MX2: variants seen among roughly 807,000 people sequenced by gnomAD.
The protein encoded by MX2 is MX dynamin like GTPase 2.
Under a neutral mutation model 74.0 loss-of-function variants are expected in MX2, and 51 were observed. The observed-to-expected ratio is 0.69, with a 90% CI of 0.55 to 0.87. MX2 has a LOEUF of 0.87. Among genes scored for constraint, MX2 ranks in the 40% least tolerant of loss-of-function variants. The pLI is 0.00. For synonymous variants in MX2, 369 were observed against 339.3 expected, an observed-to-expected ratio of 1.09 and a Z score of -0.96; for missense variants, 832 against 908.7, an observed-to-expected ratio of 0.92 and a Z score of 1.09.
rs973333922 is a variant in MX2 at position 41,409,294 on chromosome 21, T to C, written c.*1061T>C. 1.3e-5 allele frequency: 2 copies of C among 152,074 alleles called. No homozygotes were observed. The highest frequency in any genetic ancestry group is 3.9e-4 in the East Asian group (2 of 5,178). 9.4% of individuals were successfully genotyped at this position (152,074 alleles called of 1,614,324 possible). A position where few individuals can be genotyped will look rare whatever the true frequency, so the allele number is the denominator to read the frequency against. On this transcript the variant is annotated 3_prime_UTR_variant, in exon 14 of 14. Coordinates refer to ENST00000330714, the MANE Select transcript of MX2 (RefSeq NM_002463.2). ...AGAGAGAGAGAGAACTTCACACCAG[T>C]GATCATCATTATGGGTAATTTTCTT...
intron 7 of MX2, 53 bp downstream of exon 7, chr21:41,395,838 C>G (rs2089727432): frequency 6.3e-7 from 1 of 1,583,948 alleles, no homozygotes; most frequent in African/African-American, 1.3e-5. Context: ...GCCAGCCCAT[C>G]TGCAAGAGTT....
rs2089925210 is a variant in MX2, at chr21:41,409,386, A to G, written c.*1153A>G. 6.6e-6 allele frequency: 1 copy of G among 152,258 alleles called. No homozygotes were observed. The highest frequency in any genetic ancestry group is 1.5e-5 in the Non-Finnish European group (1 of 68,046). The allele number at this position is 152,258 out of a possible 1,614,324, so 9.4% of individuals were successfully genotyped here. ...ATAGATTCCTTAATAAAAAGGCAAT[A>G]GAATAAATATCATTGCTGATTTGTT... On this transcript the variant is annotated 3_prime_UTR_variant, in exon 14 of 14. Coordinates refer to ENST00000330714, the MANE Select transcript of MX2 (RefSeq NM_002463.2).
chr21:41,382,292 C>T (rs940907295), intron 4 of MX2, 118 bp from the exon 5 acceptor site: 6 of 1,292,102 alleles, frequency 4.6e-6, no homozygotes, highest in African/African-American at 4.5e-5. Flanking sequence ...TTTCTAAACA[C>T]CAGGGACCTA....
In MX2 at chr21:41,402,344, ACTC is replaced by A. The variant is rs2089825672; in HGVS notation, c.1573+217_1573+219del. 3 of 520,112 alleles carry A rather than the reference ACTC, an allele frequency of 5.8e-6. No homozygotes were observed. The Admixed American group carries it at 1.1e-4, about 19-fold the overall frequency. The allele number at this position is 520,112 out of a possible 1,614,324, so 32.2% of individuals were successfully genotyped here. ...ACCGATTCTGCCCTTCTGCCTGAGA[ACTC>A]GTACTGAGGTTTCCAGGAGATGGGG... On this transcript the variant is annotated intron_variant, in intron 11 of 13. Coordinates refer to ENST00000330714, the MANE Select transcript of MX2 (RefSeq NM_002463.2). This position sits in a 1 kb window ranked among gnomAD's most constrained non-coding sequence, Gnocchi z 4.5.
intron 12 of MX2, 110 bp from the exon 13 acceptor site, chr21:41,406,634 C>A: frequency 8.9e-7 from 1 of 1,128,188 alleles, no homozygotes; most frequent in Non-Finnish European, 1.2e-6. Flanking sequence ...ACTTCTTTGA[C>A]TATGGATTCG....
intron 5 of MX2, among the ~76,000 whole-genome samples, chr21:41,387,407 T>C (rs187284436): frequency 6.6e-6 from 1 of 152,340 alleles, no homozygotes; most frequent in African/African-American, 2.4e-5. Context: ...ATTGTACGAC[T>C]CCACTTTCCC....
At chr21:41,406,717 A>G (rs764378343) in intron 12 of MX2, 27 bp from the exon 13 acceptor site, 1 of 1,598,096 alleles carries the variant, frequency 6.3e-7, no homozygotes, top group South Asian at 1.1e-5. Context: ...AAAAGAAGTA[A>G]TGTGTTTGTC....
Position 41,387,302 on chromosome 21 carries a change from G to A in MX2, c.733-3263G>A, listed in dbSNP as rs146290551. On this transcript the variant is annotated intron_variant, in intron 5 of 13. Coordinates refer to ENST00000330714, the MANE Select transcript of MX2 (RefSeq NM_002463.2). ...CATGCCTCTCCTCCATGTGAAAGCCGATTAATGCTCATAAGGAAGGGGGTG... is the reference window on the plus strand; with the variant it reads ...CATGCCTCTCCTCCATGTGAAAGCCAATTAATGCTCATAAGGAAGGGGGTG... 6.5e-3 allele frequency among the ~76,000 whole-genome samples: 983 copies of A among 152,208 alleles called. 12 individuals carry two copies. Among genetic ancestry groups the A allele is most frequent in the African/African-American group, 0.021 (886 of 41,528 alleles).
Position 41,386,072 on chromosome 21 carries a change from G to A in MX2, c.732+3508G>A, listed in dbSNP as rs566090229. On this transcript the variant is annotated intron_variant, in intron 5 of 13. Transcript: ENST00000330714. ...TCCCAGCACTTTGAGAGGCCGAGGCGGGTAGATCACCTGAGGTCAGGAGTT... is the reference window on the plus strand; with the variant it reads ...TCCCAGCACTTTGAGAGGCCGAGGCAGGTAGATCACCTGAGGTCAGGAGTT... 1.8e-4 allele frequency among the ~76,000 whole-genome samples: 27 copies of A among 151,774 alleles called. No homozygotes were observed. In the South Asian group the frequency reaches 4.0e-3, roughly 22 times the overall value.
chr21:41,384,626 A>G (rs986689358), intron 5 of MX2, among the ~76,000 whole-genome samples: 10 of 152,232 alleles, frequency 6.6e-5, no homozygotes, highest in Non-Finnish European at 1.0e-4. Context: ...CAGTGTGCTC[A>G]GTTACCAAGC....
At chr21:41,393,667 C>T (rs1568944274) in intron 6 of MX2, among the ~76,000 whole-genome samples, 1 of 152,160 alleles carries the variant, frequency 6.6e-6, no homozygotes, top group African/African-American at 2.4e-5. Context: ...CGCATCATCA[C>T]ATTAAGTGAT....
rs557169420 is a variant in MX2 at position 41,397,903 on chromosome 21, G to C, written c.1149+212G>C. Among the ~76,000 whole-genome samples the C allele has an allele frequency of 3.3e-5, 5 of 152,214 alleles. No homozygotes were observed. The South Asian group carries it at 1.0e-3, about 32-fold the overall frequency. On this transcript the variant is annotated intron_variant, in intron 8 of 13. Transcript: ENST00000330714. Reference sequence around the variant, plus strand: ...TAGTATTAAAACAAATGTTTGAATTGGTCAACAGGGGGGAAAAAGAAGAGA... The same window carrying C: ...TAGTATTAAAACAAATGTTTGAATTCGTCAACAGGGGGGAAAAAGAAGAGA...
In MX2 at chr21:41,384,685, C is replaced by T. The variant is rs148658848; in HGVS notation, c.732+2121C>T. 7.8e-3 allele frequency among the ~76,000 whole-genome samples: 1,183 copies of T among 152,072 alleles called. 19 individuals carry two copies. The highest frequency in any genetic ancestry group is 0.027 in the African/African-American group (1,111 of 41,472). Reference sequence around the variant, plus strand: ...TTCTATCTGAAAGGGTGGCAGTATACGAAAACACTGCCAAGTGAACAAGTG... The same window carrying T: ...TTCTATCTGAAAGGGTGGCAGTATATGAAAACACTGCCAAGTGAACAAGTG... On this transcript the variant is annotated intron_variant, in intron 5 of 13. Coordinates refer to ENST00000330714, the MANE Select transcript of MX2 (RefSeq NM_002463.2).
At position 41,382,699 on chromosome 21, in the gene MX2, G is replaced by T. The variant is rs1016698338; in HGVS notation, c.732+135G>T. The stretch of plus-strand genomic sequence containing the variant: ...GGAGTCTCAGGTAAGACCTGCCCAG[G>T]TGGGGGCCTCATGCCCAGGTTCTGA... On this transcript the variant is annotated intron_variant, in intron 5 of 13. Coordinates refer to ENST00000330714, the MANE Select transcript of MX2 (RefSeq NM_002463.2). 3 of 1,183,276 alleles carry T rather than the reference G, an allele frequency of 2.5e-6. No individual in the cohort carries two copies. In the East Asian group the frequency reaches 7.3e-5, roughly 29 times the overall value. 73.3% of individuals were successfully genotyped at this position (1,183,276 alleles called of 1,614,324 possible).
At chr21:41,404,873 C>CAAAAAAAAAAAAAAAAAAAAAA (rs547207365) in intron 12 of MX2, 3 of 69,086 alleles carry the variant, frequency 4.3e-5, no homozygotes, top group Admixed American at 1.5e-4. Flanking sequence ...CACATATACT[C>CAAAAAAAAAAAAAAAAAAAAAA]AAAAAAAAAA....
chr21:41,394,373 A>G (rs2089704297), intron 6 of MX2, among the ~76,000 whole-genome samples: 1 of 151,584 alleles, frequency 6.6e-6, no homozygotes, highest in Non-Finnish European at 1.5e-5. Context: ...CTCCCTCCCC[A>G]CTAGGCTGAC....
Position 41,383,797 on chromosome 21 carries a change from T to C in MX2, c.732+1233T>C, listed in dbSNP as rs550298216. On this transcript the variant is annotated intron_variant, in intron 5 of 13. Transcript: ENST00000330714. ...TCTCTCTAAGAGCAGGGAAATTAGCTCGTATCACTTGCTGAGTTAAGTGAT... is the reference window on the plus strand; with the variant it reads ...TCTCTCTAAGAGCAGGGAAATTAGCCCGTATCACTTGCTGAGTTAAGTGAT... Among the ~76,000 whole-genome samples, 54 of 152,308 alleles carry C rather than the reference T, an allele frequency of 3.5e-4. 1 individual carries two copies. The highest frequency in any genetic ancestry group is 1.3e-3 in the African/African-American group (53 of 41,560).
At chr21:41,377,686 A>G in intron 2 of MX2, 103 bp from the exon 3 acceptor site, 1 of 1,291,150 alleles carries the variant, frequency 7.7e-7, no homozygotes, top group South Asian at 1.4e-5. Context: ...CCTGTCTGCA[A>G]CCCAACCTAA....
intron 5 of MX2, among the ~76,000 whole-genome samples, chr21:41,383,825 A>G (rs1455054560): frequency 6.6e-6 from 1 of 152,156 alleles, no homozygotes; most frequent in Non-Finnish European, 1.5e-5. Flanking sequence ...TAAGTGATGA[A>G]TTCCATATTT....
Sources: allele counts gnomAD v4.1 joint callset (sites outside exome capture counted in the v4.1 genomes callset), GRCh38; gene constraint gnomAD v4.1.1; non-coding constraint Gnocchi (gnomAD v3.1); transcripts MANE v1.5; gene names NCBI Gene and HGNC (gene_info 2026-07-23, HGNC 2026-07-21).